Variants in BICC1 observed in about 807,000 individuals in gnomAD.
The protein encoded by BICC1 is protein bicaudal C homolog 1.
Under a neutral mutation model 111.0 loss-of-function variants are expected in BICC1, and 43 were observed. That is an observed-to-expected ratio of 0.39 (90% CI 0.30 to 0.50). The LOEUF is 0.50. Among genes scored for constraint, BICC1 ranks in the 20% least tolerant of loss-of-function variants. The pLI is 0.88. For synonymous variants in BICC1, 467 were observed against 434.4 expected, an observed-to-expected ratio of 1.07 and a Z score of -0.93; for missense variants, 1,091 against 1,203.2, an observed-to-expected ratio of 0.91 and a Z score of 1.38.
chr10:58,680,799 A>C (rs938696317), intron 2 of BICC1, among the ~76,000 whole-genome samples: 3 of 152,246 alleles, frequency 2.0e-5, no homozygotes, highest in Non-Finnish European at 2.9e-5. Context: ...TAACCAAAAC[A>C]GCATAGTACT....
At chr10:58,575,988 AT>A (rs978958378) in intron 1 of BICC1, among the ~76,000 whole-genome samples, 3 of 152,160 alleles carry the variant, frequency 2.0e-5, no homozygotes, top group Non-Finnish European at 4.4e-5. Context: ...ATATTTTACA[AT>A]TTTTTGGTGT....
rs779396611 is a variant in BICC1 at position 58,769,372 on chromosome 10, A to ATG, written c.308-15627_308-15626dup. Reference sequence around the variant, plus strand: ...TGTTGATTGTGGTAATAGTTTTATAATGTATGTGTGTGTGTGTGTGTGTGT... The same window carrying ATG: ...TGTTGATTGTGGTAATAGTTTTATAATGTGTATGTGTGTGTGTGTGTGTGTGT... On this transcript the variant is annotated intron_variant, in intron 3 of 20. Coordinates refer to ENST00000373886, the MANE Select transcript of BICC1 (RefSeq NM_001080512.3). Among the ~76,000 whole-genome samples the ATG allele has an allele frequency of 5.1e-4, 44 of 86,234 alleles. No homozygotes were observed. In the East Asian group the frequency reaches 6.8e-3, roughly 13 times the overall value. 56.6% of individuals were successfully genotyped at this position (86,234 alleles called of 152,430 possible).
chr10:58,693,431 G>A (rs1179257479), intron 2 of BICC1, among the ~76,000 whole-genome samples: 34 of 152,176 alleles, frequency 2.2e-4, no homozygotes, highest in Non-Finnish European at 3.7e-4. Context: ...TTGAGGAATC[G>A]CCACACTGAC....
intron 8 of BICC1, among the ~76,000 whole-genome samples, chr10:58,790,426 C>T (rs78690753): frequency 0.01 from 1,537 of 152,232 alleles, 24 homozygotes; most frequent in African/African-American, 0.035. Flanking sequence ...GTCACAAATT[C>T]GAGCGTCACT....
At chr10:58,527,382 T>G (rs1405838891) in intron 1 of BICC1, among the ~76,000 whole-genome samples, 1 of 152,250 alleles carries the variant, frequency 6.6e-6, no homozygotes, top group Non-Finnish European at 1.5e-5. Flanking sequence ...GCCTGTTCAC[T>G]CTGATGGTAG....
chr10:58,741,926 G>A (rs1022826959), intron 3 of BICC1, among the ~76,000 whole-genome samples: 12 of 152,196 alleles, frequency 7.9e-5, no homozygotes, highest in African/African-American at 2.7e-4. Context: ...TTTTGTACAT[G>A]TAGGAATGGA....
Position 58,785,076 on chromosome 10 carries a change from CA to C in BICC1, c.387del (p.Ser130AlafsTer6). ...AKEMIMSVLD[T>X]KSNRVTLKMD... ...GAAATGATCATGTCTGTCTTAGACACAAAAGTAAGTGAATGTTAAGGACACT... is the reference window on the plus strand; with the variant it reads ...GAAATGATCATGTCTGTCTTAGACACAAAGTAAGTGAATGTTAAGGACACT... On this transcript the variant is annotated frameshift_variant, in exon 4 of 21. Coordinates refer to ENST00000373886, the MANE Select transcript of BICC1 (RefSeq NM_001080512.3). LOFTEE classifies it high-confidence loss of function. 1 of 1,569,986 alleles carries C rather than the reference CA, an allele frequency of 6.4e-7. No homozygotes were observed. The highest frequency in any genetic ancestry group is 8.7e-7 in the Non-Finnish European group (1 of 1,154,908).
chr10:58,748,889 A>G (rs1208077526), intron 3 of BICC1, among the ~76,000 whole-genome samples: 1 of 152,144 alleles, frequency 6.6e-6, no homozygotes, highest in Non-Finnish European at 1.5e-5. Context: ...ATTGCACTCC[A>G]TCATTGTGGA....
chr10:58,718,658 G>A (rs1280283724), intron 3 of BICC1, among the ~76,000 whole-genome samples: 1 of 151,950 alleles, frequency 6.6e-6, no homozygotes, highest in Non-Finnish European at 1.5e-5. Flanking sequence ...AAGGACTATA[G>A]GAAAGTATGT....
In BICC1 at chr10:58,789,879, C is replaced by T. The variant is rs191640019; in HGVS notation, c.993C>T (p.Thr331=). The stretch of plus-strand genomic sequence containing the variant: ...CCAGTAATCCACAAAAGAAATCTAC[C>T]GTCTACCTCCAGGGCACCATTGAGT... The part of the protein sequence containing the change: ...PDPSNPQKKS[T]VYLQGTIESV... The change falls in exon 8 of 21, where the codon ACC becomes ACT. Residue 331 remains threonine, a synonymous_variant. Coordinates refer to ENST00000373886, the MANE Select transcript of BICC1 (RefSeq NM_001080512.3). 6.5e-5 allele frequency: 105 copies of T among 1,614,082 alleles called. No individual in the cohort carries two copies. Among genetic ancestry groups the T allele is most frequent in the East Asian group, 1.8e-4 (8 of 44,858 alleles).
intron 1 of BICC1, among the ~76,000 whole-genome samples, chr10:58,521,708 T>C (rs1361573730): frequency 6.6e-6 from 1 of 151,418 alleles, no homozygotes; most frequent in Admixed American, 6.6e-5. Flanking sequence ...CTGCTTAGCA[T>C]GTTTGTGGAT....
At chr10:58,764,032 C>T (rs1564600253) in intron 3 of BICC1, among the ~76,000 whole-genome samples, 4 of 152,062 alleles carry the variant, frequency 2.6e-5, no homozygotes, top group Admixed American at 2.6e-4. Context: ...TGGGGGCCCT[C>T]AGAAGGTACA....
At chr10:58,718,220 C>A (rs1840809615) in intron 3 of BICC1, among the ~76,000 whole-genome samples, 1 of 152,140 alleles carries the variant, frequency 6.6e-6, no homozygotes, top group Non-Finnish European at 1.5e-5. Context: ...AGTGCAAGAT[C>A]AAGGTGCTGG....
At position 58,722,257 on chromosome 10, in the gene BICC1, T is replaced by C. The variant is rs563527174; in HGVS notation, c.307+20114T>C. Among the ~76,000 whole-genome samples, 18 of 152,330 alleles carry C rather than the reference T, an allele frequency of 1.2e-4. No individual in the cohort carries two copies. In the South Asian group the frequency reaches 3.5e-3, roughly 30 times the overall value. On this transcript the variant is annotated intron_variant, in intron 3 of 20. Coordinates refer to ENST00000373886, the MANE Select transcript of BICC1 (RefSeq NM_001080512.3). ...TGAAAAGATGCCTGCACTGGGGTGG[T>C]CCTATCCATTACATTCTCTTAGGAA...
chr10:58,557,801 G>A (rs1843494399), intron 1 of BICC1, among the ~76,000 whole-genome samples: 1 of 151,856 alleles, frequency 6.6e-6, no homozygotes, highest in African/African-American at 2.4e-5. Context: ...ATTCTAACAT[G>A]TAACAATTCT....
intron 1 of BICC1, among the ~76,000 whole-genome samples, chr10:58,596,070 T>G (rs188267266): frequency 1.1e-3 from 169 of 152,316 alleles, no homozygotes; most frequent in Non-Finnish European, 1.9e-3. Context: ...TATCAGAGAA[T>G]AGTATAAACA....
chr10:58,796,505 G>A lies in BICC1; in HGVS notation c.1345G>A (p.Gly449Ser), dbSNP rs765847855. The A allele has an allele frequency of 3.6e-5, 58 of 1,613,686 alleles. No individual in the cohort carries two copies. Among genetic ancestry groups the A allele is most frequent in the Non-Finnish European group, 4.7e-5 (56 of 1,179,894 alleles). Residue 449 changes from glycine to serine, a missense_variant, in exon 10 of 21, where the codon GGC becomes AGC. By Grantham distance (56) the Gly-to-Ser change is moderately conservative. Around this residue, in one of 3 missense-constraint regions of BICC1, gnomAD observed 843 missense variants for 900.8 expected, o/e 0.94. Coordinates refer to ENST00000373886, the MANE Select transcript of BICC1 (RefSeq NM_001080512.3). The stretch of plus-strand genomic sequence containing the variant: ...CAGCCTGGATATCTTAGCTTCAGCA[G>A]GCCTTGGACTCACTGGACTAGGTAT... ...CPSLDILASA[G>S]LGLTGLGLLG...
At chr10:58,707,821 C>T (rs978307943) in intron 3 of BICC1, among the ~76,000 whole-genome samples, 4 of 151,996 alleles carry the variant, frequency 2.6e-5, no homozygotes, top group Non-Finnish European at 4.4e-5. Flanking sequence ...CTCAGCCTCC[C>T]GAGTAGCTGG....
chr10:58,732,463 A>G (rs1841346971), intron 3 of BICC1, among the ~76,000 whole-genome samples: 1 of 134,166 alleles, frequency 7.5e-6, no homozygotes, highest in Non-Finnish European at 1.5e-5. Context: ...AGCAATCAGA[A>G]CACATACATC....
Sources: gnomAD v4.1 joint callset for allele counts (sites outside exome capture counted in the v4.1 genomes callset) on GRCh38, gnomAD v4.1.1 for gene constraint, gnomAD v4.1.1 regional missense constraint, MANE v1.5 for transcripts, NCBI Gene and HGNC (gene_info 2026-07-23, HGNC 2026-07-21) for gene names.